The following CFAP70 variants were observed in gnomAD, a reference collection of about 807,000 sequenced individuals.
CFAP70 encodes the protein cilia and flagella associated protein 70.
CFAP70 carries 81 observed loss-of-function variants against 137.6 expected under a neutral mutation model. That is an observed-to-expected ratio of 0.59 (90% confidence interval 0.49 to 0.71). The LOEUF is 0.71. CFAP70 is among the 30% of genes least tolerant of loss of function. The probability of loss-of-function intolerance (pLI) is 0.00; values close to 1 mark genes in which losing one functional copy is unlikely to be tolerated. For synonymous variants in CFAP70, 382 were observed against 423.6 expected, an observed-to-expected ratio of 0.90 and a Z score of 1.20; for missense variants, 976 against 1,226.7, an observed-to-expected ratio of 0.80 and a Z score of 3.05.
At chr10:73,277,047 C>T (rs1000703017) in intron 21 of CFAP70, 193 bp downstream of exon 22, 7 of 511,208 alleles carry the variant, frequency 1.4e-5, no homozygotes, top group African/African-American at 9.8e-5. Context: ...GAACTTGCAG[C>T]GAGGTCTTCT....
chr10:73,293,237 C>A (rs770851886), intron 16 of CFAP70, 26 bp downstream of exon 17: 1 of 1,582,380 alleles, frequency 6.3e-7, no homozygotes, highest in Non-Finnish European at 8.6e-7. Flanking sequence ...ATAATAGTAA[C>A]AATCACTGGG....
chr10:73,353,775 A>G (rs946258112), intron 2 of CFAP70, 33 bp from the exon 3 acceptor site: 1 of 1,593,426 alleles, frequency 6.3e-7, no homozygotes. Context: ...TTACAATTAT[A>G]TTCAAATAGA....
chr10:73,288,367 G>C (rs1026538584), intron 19 of CFAP70, among the ~76,000 whole-genome samples: 1 of 152,176 alleles, frequency 6.6e-6, no homozygotes, highest in African/African-American at 2.4e-5. Flanking sequence ...GCTCAGCAGA[G>C]AATAGTATGT....
intron 12 of CFAP70, 58 bp from the exon 14 acceptor site, chr10:73,299,723 T>G: frequency 1.4e-6 from 2 of 1,384,408 alleles, no homozygotes; most frequent in Non-Finnish European, 2.0e-6. Flanking sequence ...TCTACAGATG[T>G]ATATTTTCTT....
intron 11 of CFAP70, among the ~76,000 whole-genome samples, chr10:73,311,339 A>G (rs565112909): frequency 3.1e-4 from 47 of 152,260 alleles, no homozygotes; most frequent in African/African-American, 1.1e-3. Context: ...AGGTCTCTTC[A>G]TCTTTCACTA....
chr10:73,307,129 T>C (rs1219052129), intron 12 of CFAP70, among the ~76,000 whole-genome samples: 2 of 152,180 alleles, frequency 1.3e-5, no homozygotes, highest in African/African-American at 4.8e-5. Flanking sequence ...GAAATTAAGT[T>C]TGTATTCAAA....
rs746700538 is a variant in CFAP70, at chr10:73,310,306, T to C, written c.1165-57A>G. The C allele has an allele frequency of 4.0e-6, 5 of 1,240,990 alleles. No homozygotes were observed. The African/African-American group carries it at 6.0e-5, about 15-fold the overall frequency. 76.9% of individuals were successfully genotyped at this position (1,240,990 alleles called of 1,614,324 possible). Reference sequence around the variant, plus strand: ...GAAAAAAATATATTTATGAAAAATTTAGTAACATAAGATGATGCTCACAAT... The same window carrying C: ...GAAAAAAATATATTTATGAAAAATTCAGTAACATAAGATGATGCTCACAAT... On this transcript the variant is annotated intron_variant, in intron 11 of 26. Transcript: ENST00000310715.
intron 3 of CFAP70, among the ~76,000 whole-genome samples, chr10:73,351,246 G>A (rs187139003): frequency 6.7e-6 from 1 of 149,814 alleles, no homozygotes; most frequent in East Asian, 1.9e-4. Flanking sequence ...AGCCTCCTGA[G>A]TAGCTGGGAC....
chr10:73,331,170 T>C lies in CFAP70; in HGVS notation c.777+7A>G, dbSNP rs1382348996. On this transcript the variant is annotated splice_region_variant and intron_variant, in intron 8 of 26. Transcript: ENST00000310715. ...TTATATAAATATTTTTGAGGGGGCA[T>C]ATTTACCTTTTCAGTTTTGCCAGCT... is the stretch of plus-strand genomic sequence containing the variant. 6.3e-7 allele frequency: 1 copy of C among 1,598,368 alleles called. No individual in the cohort carries two copies. Among genetic ancestry groups the C allele is most frequent in the Non-Finnish European group, 8.6e-7 (1 of 1,167,166 alleles).
intron 9 of CFAP70, among the ~76,000 whole-genome samples, chr10:73,321,510 A>T (rs1286614174): frequency 6.6e-6 from 1 of 152,216 alleles, no homozygotes; most frequent in African/African-American, 2.4e-5. Flanking sequence ...GTACAACTAG[A>T]TGATGGGGTT....
chr10:73,350,316 A>ATAACATACTTACC (rs140293998), intron 3 of CFAP70, among the ~76,000 whole-genome samples: 1 of 152,102 alleles, frequency 6.6e-6, no homozygotes, highest in African/African-American at 2.4e-5. Flanking sequence ...ACAGGGTTTG[A>ATAACATACTTACC]TATGTTATCA....
At chr10:73,324,800 GAAAC>G (rs2051233547) in intron 8 of CFAP70, among the ~76,000 whole-genome samples, 1 of 152,124 alleles carries the variant, frequency 6.6e-6, no homozygotes, top group African/African-American at 2.4e-5. Context: ...AGAATAAAAA[GAAAC>G]AAACAAAGCC....
rs796977521 is a variant in CFAP70, at chr10:73,265,320, C to CA, written c.3027+4293dup. Among the ~76,000 whole-genome samples the CA allele has an allele frequency of 4.9e-3, 420 of 85,812 alleles. 1 individual carries two copies. The highest frequency in any genetic ancestry group is 0.024 in the Middle Eastern group (3 of 126). 56.3% of individuals were successfully genotyped at this position (85,812 alleles called of 152,430 possible). A position where few individuals can be genotyped will look rare whatever the true frequency, so the allele number is the denominator to read the frequency against. Reference sequence around the variant, plus strand: ...TCTGGGCAACAGAGAGACTCCATCTCAAAAAAAAAAAAAAAAGAAGAAGAA... The same window carrying CA: ...TCTGGGCAACAGAGAGACTCCATCTCAAAAAAAAAAAAAAAAAGAAGAAGAA... On this transcript the variant is annotated intron_variant, in intron 25 of 26. Transcript: ENST00000310715.
chr10:73,255,214 C>T (rs962803116), intron 26 of CFAP70, among the ~76,000 whole-genome samples: 3 of 152,126 alleles, frequency 2.0e-5, no homozygotes, highest in East Asian at 1.9e-4. Flanking sequence ...CTGGCTAACA[C>T]GGTGATACCC....
intron 20 of CFAP70, among the ~76,000 whole-genome samples, chr10:73,277,646 G>C (rs1311408050): frequency 6.6e-6 from 1 of 151,854 alleles, no homozygotes; most frequent in Non-Finnish European, 1.5e-5. Flanking sequence ...CAAGGAGTCA[G>C]AGGTTGCAGT....
chr10:73,327,289 C>A (rs1291238696), intron 8 of CFAP70, among the ~76,000 whole-genome samples: 1 of 150,276 alleles, frequency 6.7e-6, no homozygotes, highest in Non-Finnish European at 1.5e-5. Flanking sequence ...ATTCAACAAC[C>A]CTTCATGCTA....
chr10:73,314,938 GC>G lies in CFAP70; in HGVS notation c.913-2296del, dbSNP rs139636617. Among the ~76,000 whole-genome samples the G allele has an allele frequency of 3.7e-3, 557 of 151,014 alleles. 5 individuals are homozygous for G. The highest frequency in any genetic ancestry group is 0.013 in the African/African-American group (524 of 41,308). The stretch of plus-strand genomic sequence containing the variant: ...CTACTTTTTTTAAAAAACAGGCTGG[GC>G]ACGGTTACTCACACCTGTAATCCCA... On this transcript the variant is annotated intron_variant, in intron 9 of 26. Transcript: ENST00000310715.
chr10:73,325,614 T>C lies in CFAP70; in HGVS notation c.778-2517A>G, dbSNP rs1029748738. On this transcript the variant is annotated intron_variant, in intron 8 of 26. Transcript: ENST00000310715. The stretch of plus-strand genomic sequence containing the variant: ...CCCATCTCACGTGCAGGGACACACA[T>C]AGGCTCAAAATAAAAGGATGGAGGA... Among the ~76,000 whole-genome samples the C allele has an allele frequency of 2.6e-5, 4 of 152,136 alleles. No individual in the cohort carries two copies. In the East Asian group the frequency reaches 7.7e-4, roughly 29 times the overall value.
chr10:73,345,073 G>C (rs1282668167), exon 5 of CFAP70: 3 of 1,614,074 alleles, frequency 1.9e-6, no homozygotes, highest in Non-Finnish European at 2.5e-6. Flanking sequence ...ACCTCTCCAA[G>C]TGATGGAACT....
Sources: gnomAD v4.1 joint callset for allele counts (sites outside exome capture counted in the v4.1 genomes callset) on GRCh38, gnomAD v4.1.1 for gene constraint, MANE v1.5 for transcripts, NCBI Gene and HGNC (gene_info 2026-07-23, HGNC 2026-07-21) for gene names.